PTPRT: variants seen among roughly 807,000 people sequenced by gnomAD.
PTPRT encodes protein tyrosine phosphatase receptor type T, also known as receptor-type tyrosine-protein phosphatase T.
PTPRT carries 56 observed loss-of-function variants against 176.8 expected under a neutral mutation model. That is an observed-to-expected ratio of 0.32 (90% CI 0.26 to 0.40). PTPRT has a LOEUF of 0.40. PTPRT is among the 10% of genes least tolerant of loss of function. PTPRT has a pLI of 1.00. For missense variants in PTPRT, 1,540 were observed against 1,908.2 expected (o/e 0.81, Z 3.60); for synonymous variants, 783 against 739.0 (o/e 1.06, Z -0.96).
intron 6 of PTPRT, among the ~76,000 whole-genome samples, chr20:42,705,854 T>C: frequency 6.6e-6 from 1 of 152,170 alleles, no homozygotes; most frequent in Non-Finnish European, 1.5e-5. Flanking sequence ...CACATAATAA[T>C]AAGCATTTAG....
intron 1 of PTPRT, among the ~76,000 whole-genome samples, chr20:42,902,913 T>A (rs1050842159): frequency 7.9e-5 from 12 of 152,226 alleles, no homozygotes; most frequent in African/African-American, 2.9e-4. Flanking sequence ...AGATCAAGTG[T>A]CTGGTGTATG....
chr20:42,965,985 C>A (rs574405575), intron 1 of PTPRT, among the ~76,000 whole-genome samples: 2 of 152,262 alleles, frequency 1.3e-5, no homozygotes, highest in South Asian at 4.1e-4. Flanking sequence ...TCACTAAACA[C>A]CGGAGAAGAC....
At chr20:42,633,860 A>G (rs1480123271) in intron 7 of PTPRT, among the ~76,000 whole-genome samples, 1 of 89,828 alleles carries the variant, frequency 1.1e-5, no homozygotes, top group Non-Finnish European at 2.0e-5. Flanking sequence ...TTTATTATAT[A>G]TAATTATCTA....
chr20:42,789,418 G>A (rs1459866147), intron 3 of PTPRT, among the ~76,000 whole-genome samples: 2 of 152,090 alleles, frequency 1.3e-5, no homozygotes, highest in Non-Finnish European at 2.9e-5. Flanking sequence ...AAACAAAACG[G>A]GTAAAAAACA....
At chr20:43,019,795 C>T (rs905874605) in intron 1 of PTPRT, among the ~76,000 whole-genome samples, 16 of 151,866 alleles carry the variant, frequency 1.1e-4, no homozygotes, top group African/African-American at 3.1e-4. Context: ...GGAAGAGTGA[C>T]GTCTCTGGGT....
At chr20:43,116,222 T>G (rs2013053467) in intron 1 of PTPRT, among the ~76,000 whole-genome samples, 1 of 152,186 alleles carries the variant, frequency 6.6e-6, no homozygotes, top group African/African-American at 2.4e-5. Context: ...TGCAGAATCA[T>G]GAGTCTCAAA....
At chr20:42,106,563 T>C (rs887534644) in intron 24 of PTPRT, among the ~76,000 whole-genome samples, 6 of 152,156 alleles carry the variant, frequency 3.9e-5, no homozygotes, top group Non-Finnish European at 7.3e-5. Flanking sequence ...CCATTCTTCA[T>C]TGGTGGAACT....
intron 7 of PTPRT, among the ~76,000 whole-genome samples, chr20:42,603,113 G>A (rs557006312): frequency 5.3e-5 from 8 of 152,206 alleles, no homozygotes; most frequent in South Asian, 2.1e-4. Context: ...CTGTTCTCAC[G>A]GAGCTTACAG....
intron 15 of PTPRT, among the ~76,000 whole-genome samples, chr20:42,231,155 G>A (rs2056126868): frequency 6.6e-6 from 1 of 152,196 alleles, no homozygotes; most frequent in Non-Finnish European, 1.5e-5. Flanking sequence ...ATGCCTAGAA[G>A]GGCACTGATG....
chr20:42,869,458 T>C (rs1324473216), intron 2 of PTPRT, among the ~76,000 whole-genome samples: 7 of 152,224 alleles, frequency 4.6e-5, no homozygotes, highest in African/African-American at 1.7e-4. Context: ...CGAGATTTAA[T>C]GCTGTTTGTC....
intron 9 of PTPRT, among the ~76,000 whole-genome samples, chr20:42,395,380 G>A (rs536454584): frequency 3.0e-4 from 45 of 152,268 alleles, no homozygotes; most frequent in Non-Finnish European, 5.0e-4. Context: ...TCTTCTATGT[G>A]TGAGTGAGAC....
At chr20:42,488,950 C>CA (rs34356678) in intron 7 of PTPRT, among the ~76,000 whole-genome samples, 107 of 118,768 alleles carry the variant, frequency 9.0e-4, no homozygotes, top group East Asian at 3.8e-3. Context: ...AACTCTGTCT[C>CA]AAAAAAAAAA....
At chr20:42,192,341 C>T (rs746037474) in intron 16 of PTPRT, among the ~76,000 whole-genome samples, 9 of 152,162 alleles carry the variant, frequency 5.9e-5, no homozygotes, top group African/African-American at 9.6e-5. Context: ...AGCCATGATC[C>T]GTCTTCCCTA....
At chr20:42,146,878 T>C (rs1339545309) in intron 17 of PTPRT, among the ~76,000 whole-genome samples, 1 of 152,176 alleles carries the variant, frequency 6.6e-6, no homozygotes, top group Non-Finnish European at 1.5e-5. Context: ...GTGTTTAAAA[T>C]TTATAAGACT....
At chr20:42,352,690 C>G (rs528328924) in intron 9 of PTPRT, among the ~76,000 whole-genome samples, 70 of 152,290 alleles carry the variant, frequency 4.6e-4, no homozygotes, top group African/African-American at 1.7e-3. Context: ...AATAATTTAA[C>G]TGTACATTTT....
intron 2 of PTPRT, among the ~76,000 whole-genome samples, chr20:42,798,407 A>C (rs2077482499): frequency 6.6e-6 from 1 of 152,224 alleles, no homozygotes; most frequent in African/African-American, 2.4e-5. Context: ...CAAGAGAAGC[A>C]GATAGTGCTA....
chr20:42,079,181 T>C lies in PTPRT; in HGVS notation c.*1698A>G, dbSNP rs1456140529. 4.9e-6 allele frequency: 1 copy of C among 202,644 alleles called. No individual in the cohort carries two copies. The highest frequency in any genetic ancestry group is 2.3e-5 in the African/African-American group (1 of 43,616). The allele number at this position is 202,644 out of a possible 1,614,324, so 12.6% of individuals were successfully genotyped here. On this transcript the variant is annotated 3_prime_UTR_variant, in exon 31 of 31. Coordinates refer to ENST00000373187, the MANE Select transcript of PTPRT (RefSeq NM_007050.6). The stretch of plus-strand genomic sequence containing the variant: ...TGTTTTTACTGACTAAGAAATTAGA[T>C]GAGACTGGCTTTCCTGGGGAGCTGG...
intron 15 of PTPRT, among the ~76,000 whole-genome samples, chr20:42,219,770 C>T (rs1253464811): frequency 1.3e-5 from 2 of 152,184 alleles, no homozygotes; most frequent in Non-Finnish European, 2.9e-5. Context: ...GATCCAAACC[C>T]GGGGCTGCCT....
chr20:42,099,689 AGAT>A (rs931510040), intron 26 of PTPRT, among the ~76,000 whole-genome samples: 2 of 151,978 alleles, frequency 1.3e-5, no homozygotes, highest in Non-Finnish European at 2.9e-5. Flanking sequence ...TTTTCTCAAG[AGAT>A]GATGATGGTT....
Sources: allele counts gnomAD v4.1 joint callset (sites outside exome capture counted in the v4.1 genomes callset), GRCh38; gene constraint gnomAD v4.1.1; transcripts MANE v1.5; gene names NCBI Gene and HGNC (gene_info 2026-07-23, HGNC 2026-07-21).